Variants in RHOBTB1 observed in about 807,000 individuals in gnomAD.
RHOBTB1 encodes rho-related BTB domain-containing protein 1.
In RHOBTB1, 40 loss-of-function variants were observed where a neutral mutation model predicts 71.6. That is an observed-to-expected ratio of 0.56 (90% CI 0.43 to 0.73). RHOBTB1 has a LOEUF of 0.73. Ranked by LOEUF, RHOBTB1 falls within the 30% of genes least tolerant of loss-of-function variation. RHOBTB1 has a pLI of 0.00. For missense variants in RHOBTB1, 797 were observed against 894.0 expected (o/e 0.89, Z 1.38); for synonymous variants, 319 against 334.9 (o/e 0.95, Z 0.52).
At chr10:60,938,729 G>A (rs1201313392) in intron 2 of RHOBTB1, among the ~76,000 whole-genome samples, 1 of 152,072 alleles carries the variant, frequency 6.6e-6, no homozygotes, top group Non-Finnish European at 1.5e-5. Context: ...TGTTTTTTTG[G>A]AGGGGGGGTT....
intron 1 of RHOBTB1, among the ~76,000 whole-genome samples, chr10:60,993,437 A>G (rs539120341): frequency 1.3e-5 from 2 of 152,310 alleles, no homozygotes; most frequent in African/African-American, 4.8e-5. Context: ...TTATATACAT[A>G]TGCATATATT....
intron 4 of RHOBTB1, among the ~76,000 whole-genome samples, chr10:60,895,491 G>A (rs933035150): frequency 6.6e-6 from 1 of 152,180 alleles, no homozygotes. Flanking sequence ...CACAACCTCT[G>A]CCTCCTGGGT....
chr10:60,971,144 A>G (rs919282418), intron 2 of RHOBTB1, among the ~76,000 whole-genome samples: 7 of 152,088 alleles, frequency 4.6e-5, no homozygotes, highest in Non-Finnish European at 1.0e-4. Context: ...CATCTGATAC[A>G]TGAGGTCTAT....
chr10:60,875,162 C>T lies in RHOBTB1; in HGVS notation c.1727-120G>A, dbSNP rs151001921. 4 of 701,890 alleles carry T rather than the reference C, an allele frequency of 5.7e-6. No homozygotes were observed. In the East Asian group the frequency reaches 1.1e-4, roughly 18 times the overall value. The allele number at this position is 701,890 out of a possible 1,614,324, so 43.5% of individuals were successfully genotyped here. On this transcript the variant is annotated intron_variant, in intron 8 of 10. Transcript: ENST00000337910. ...AGGAAATGTGGGACACAGCTCTGGG[C>T]AGGCATCTGAATTAAATCCAGAAGC...
At chr10:60,934,561 T>C (rs918961750) in intron 2 of RHOBTB1, among the ~76,000 whole-genome samples, 1 of 152,230 alleles carries the variant, frequency 6.6e-6, no homozygotes, top group African/African-American at 2.4e-5. Context: ...CTACTTCAAA[T>C]AAATAGAGTT....
intron 2 of RHOBTB1, among the ~76,000 whole-genome samples, chr10:60,983,635 G>A (rs2086572828): frequency 6.6e-6 from 1 of 152,084 alleles, no homozygotes; most frequent in African/African-American, 2.4e-5. Context: ...TCTTTGCAAA[G>A]AGGAATACAC....
intron 2 of RHOBTB1, among the ~76,000 whole-genome samples, chr10:60,964,562 T>G (rs1295722621): frequency 6.6e-6 from 1 of 152,140 alleles, no homozygotes; most frequent in Non-Finnish European, 1.5e-5. Context: ...ATTTCTTTAT[T>G]ATGTCTATCC....
chr10:61,001,372 C>A (rs1230058414), intron 1 of RHOBTB1: 2 of 151,870 alleles, frequency 1.3e-5, no homozygotes, highest in East Asian at 1.9e-4. Context: ...GCTCCCGCCC[C>A]GCCACGCCCC....
chr10:60,947,395 G>A (rs2085272874), upstream of RHOBTB1, among the ~76,000 whole-genome samples: 1 of 151,840 alleles, frequency 6.6e-6, no homozygotes, highest in Non-Finnish European at 1.5e-5. Context: ...CAAAGTCATA[G>A]GATTAAAAAA....
At chr10:60,888,125 C>T (rs1223113310) in intron 6 of RHOBTB1, 87 bp downstream of exon 6, 30 of 1,423,352 alleles carry the variant, frequency 2.1e-5, no homozygotes, top group Non-Finnish European at 2.4e-5. Flanking sequence ...TGTTAGCTAT[C>T]GTTCTTCTTT....
chr10:60,861,421 G>C, the RHOBTB1 span, among the ~76,000 whole-genome samples: 1 of 152,174 alleles, frequency 6.6e-6, no homozygotes, highest in East Asian at 1.9e-4. Flanking sequence ...GAAGATCAAT[G>C]AGCCTGTTAT....
chr10:60,969,245 C>T (rs60679581), intron 2 of RHOBTB1, among the ~76,000 whole-genome samples: 4 of 152,134 alleles, frequency 2.6e-5, no homozygotes, highest in South Asian at 2.1e-4. Context: ...ATACAGGGTG[C>T]GGCACATATG....
chr10:60,976,408 T>C (rs2086316629), intron 2 of RHOBTB1, among the ~76,000 whole-genome samples: 1 of 151,910 alleles, frequency 6.6e-6, no homozygotes, highest in Non-Finnish European at 1.5e-5. Context: ...AAGCCTTCAT[T>C]ATATAAAAAT....
At chr10:60,915,838 G>T (rs75948496) in intron 2 of RHOBTB1, among the ~76,000 whole-genome samples, 2 of 152,138 alleles carry the variant, frequency 1.3e-5, no homozygotes, top group African/African-American at 2.4e-5. Flanking sequence ...AGCGTTCTTG[G>T]GCCTACAGGA....
intron 7 of RHOBTB1, among the ~76,000 whole-genome samples, chr10:60,884,200 G>A (rs2081460335): frequency 6.6e-6 from 1 of 152,176 alleles, no homozygotes; most frequent in African/African-American, 2.4e-5. Flanking sequence ...GTGATTCTAG[G>A]ATTCTATTTC....
downstream of RHOBTB1, among the ~76,000 whole-genome samples, chr10:60,865,963 C>T (rs2080634059): frequency 6.6e-6 from 1 of 152,166 alleles, no homozygotes; most frequent in African/African-American, 2.4e-5. Flanking sequence ...TCCTGAGTAG[C>T]TGGGATTACA....
chr10:60,941,142 C>T (rs1337355765), intron 2 of RHOBTB1, among the ~76,000 whole-genome samples: 3 of 152,144 alleles, frequency 2.0e-5, no homozygotes, highest in Non-Finnish European at 4.4e-5. Context: ...GTCACTTAAC[C>T]TTCTTTGTCT....
chr10:60,952,116 G>C (rs971064767), intron 2 of RHOBTB1, among the ~76,000 whole-genome samples: 1 of 148,880 alleles, frequency 6.7e-6, no homozygotes, highest in African/African-American at 2.5e-5. Context: ...AGATGAGTTA[G>C]TTATAATTTC....
intron 7 of RHOBTB1, among the ~76,000 whole-genome samples, chr10:60,881,778 TAAAAAG>T (rs1198822934): frequency 2.0e-5 from 3 of 152,192 alleles, no homozygotes; most frequent in Non-Finnish European, 4.4e-5. Flanking sequence ...ACATCCTAAA[TAAAAAG>T]AAACTATTTC....
Sources: gnomAD v4.1 joint callset for allele counts (sites outside exome capture counted in the v4.1 genomes callset) on GRCh38, gnomAD v4.1.1 for gene constraint, MANE v1.5 for transcripts, NCBI Gene and HGNC (gene_info 2026-07-23, HGNC 2026-07-21) for gene names.